ARK2C: variants seen among roughly 807,000 people sequenced by gnomAD.
ARK2C encodes arkadia (RNF111) C-terminal like ring finger ubiquitin ligase 2C, also known as E3 ubiquitin-protein ligase ARK2C.
chr18:46,391,850 C>T, the ARK2C span, among the ~76,000 whole-genome samples: 1 of 151,752 alleles, frequency 6.6e-6, no homozygotes, highest in African/African-American at 2.4e-5. Context: ...ATACCCTGCA[C>T]AATACACCCC....
At chr18:46,337,701 C>A in the ARK2C span, 1 of 772,312 alleles carries the variant, frequency 1.3e-6, no homozygotes, top group Non-Finnish European at 1.6e-6. Context: ...TCGTATCCTG[C>A]TGTTTAGATT....
chr18:46,406,014 AC>A, the ARK2C span, among the ~76,000 whole-genome samples: 3 of 151,574 alleles, frequency 2.0e-5, no homozygotes, highest in Admixed American at 2.0e-4. Context: ...TCGCATACAT[AC>A]CCCTGTGTGT....
chr18:46,399,744 G>A, the ARK2C span, among the ~76,000 whole-genome samples: 1 of 152,150 alleles, frequency 6.6e-6, no homozygotes, highest in Non-Finnish European at 1.5e-5. Context: ...ACAGTGTCCG[G>A]CCCGAGGCCC....
chr18:46,357,918 G>A, the ARK2C span, among the ~76,000 whole-genome samples: 1 of 152,174 alleles, frequency 6.6e-6, no homozygotes, highest in Non-Finnish European at 1.5e-5. Context: ...GGGGTTGCTG[G>A]CAGTCACAGT....
the ARK2C span, among the ~76,000 whole-genome samples, chr18:46,378,905 A>T: frequency 6.6e-6 from 1 of 152,086 alleles, no homozygotes; most frequent in Non-Finnish European, 1.5e-5. Context: ...CCCACCTTCC[A>T]CTCTTCCTCC....
chr18:46,443,346 T>A, the ARK2C span, among the ~76,000 whole-genome samples: 1 of 152,192 alleles, frequency 6.6e-6, no homozygotes, highest in Non-Finnish European at 1.5e-5. Context: ...ATTCACTAGG[T>A]TTACAATATT....
chr18:46,420,822 GC>G, the ARK2C span, among the ~76,000 whole-genome samples: 1 of 151,746 alleles, frequency 6.6e-6, no homozygotes, highest in Non-Finnish European at 1.5e-5. Flanking sequence ...TCTAGCCTGG[GC>G]AACAAGAGCA....
At chr18:46,459,110 C>G in the ARK2C span, 7,827 of 152,306 alleles carry the variant, frequency 0.051, 295 homozygotes, top group Non-Finnish European at 0.075. Flanking sequence ...GTCTAGGAAG[C>G]TCACTCCTCT....
the ARK2C span, among the ~76,000 whole-genome samples, chr18:46,381,797 C>T: frequency 6.6e-6 from 1 of 151,998 alleles, no homozygotes; most frequent in East Asian, 1.9e-4. Context: ...TACCACTGCA[C>T]CCTAATCTGG....
the ARK2C span, among the ~76,000 whole-genome samples, chr18:46,344,648 G>A: frequency 6.6e-6 from 1 of 152,158 alleles, no homozygotes; most frequent in East Asian, 1.9e-4. Flanking sequence ...CCCTGGAGGG[G>A]CAGGCATGGA....
At chr18:46,434,714 C>T in the ARK2C span, among the ~76,000 whole-genome samples, 16 of 152,138 alleles carry the variant, frequency 1.1e-4, no homozygotes, top group African/African-American at 3.6e-4. Flanking sequence ...AGGCCCTAAG[C>T]ATACATGACC....
chr18:46,414,609 G>A, the ARK2C span, among the ~76,000 whole-genome samples: 2 of 152,130 alleles, frequency 1.3e-5, no homozygotes, highest in African/African-American at 4.8e-5. Context: ...CCTACACCAT[G>A]CACACACACA....
chr18:46,380,796 C>T, the ARK2C span, among the ~76,000 whole-genome samples: 1 of 152,160 alleles, frequency 6.6e-6, no homozygotes, highest in African/African-American at 2.4e-5. Context: ...GCTAGTGCTC[C>T]CCCAACCCCC....
At chr18:46,365,066 G>A in the ARK2C span, among the ~76,000 whole-genome samples, 8 of 152,268 alleles carry the variant, frequency 5.3e-5, no homozygotes, top group Admixed American at 1.3e-4. Context: ...TAAGTCTCTG[G>A]TTCTCCTGAT....
chr18:46,356,003 C>T, the ARK2C span, among the ~76,000 whole-genome samples: 2 of 152,164 alleles, frequency 1.3e-5, no homozygotes. Context: ...CCGTCTGGTC[C>T]TTGGCAGCAT....
At chr18:46,373,437 G>T in the ARK2C span, among the ~76,000 whole-genome samples, 2 of 152,326 alleles carry the variant, frequency 1.3e-5, no homozygotes, top group African/African-American at 4.8e-5. Flanking sequence ...CAGGCCTTTT[G>T]ACAGTGCCCC....
chr18:46,411,528 A>G, the ARK2C span, among the ~76,000 whole-genome samples: 2 of 152,330 alleles, frequency 1.3e-5, no homozygotes, highest in East Asian at 3.9e-4. Context: ...ACATTTGGTA[A>G]GTTCCTACTA....
At chr18:46,362,723 T>C in the ARK2C span, among the ~76,000 whole-genome samples, 266 of 152,366 alleles carry the variant, frequency 1.7e-3, 1 homozygote, top group African/African-American at 6.1e-3. Flanking sequence ...CACATCAGGT[T>C]GAATGGCACT....
chr18:46,355,070 C>G, the ARK2C span, among the ~76,000 whole-genome samples: 1 of 152,116 alleles, frequency 6.6e-6, no homozygotes, highest in African/African-American at 2.4e-5. Context: ...TTGCCTTAGC[C>G]TCCGGAGTAG....
Sources: gnomAD v4.1 joint callset for allele counts (sites outside exome capture counted in the v4.1 genomes callset) on GRCh38, gnomAD v4.1.1 for gene constraint, MANE v1.5 for transcripts, NCBI Gene and HGNC (gene_info 2026-07-23, HGNC 2026-07-21) for gene names.